The following TRAPPC9 variants were observed in gnomAD, a reference collection of about 807,000 sequenced individuals.
TRAPPC9 encodes the protein IKK2 binding protein.
Under a neutral mutation model 124.0 loss-of-function variants are expected in TRAPPC9, and 83 were observed. The observed-to-expected ratio is 0.67, with a 90% CI of 0.56 to 0.80. The LOEUF is 0.80. Ranked by LOEUF, TRAPPC9 falls within the 30% of genes least tolerant of loss-of-function variation. The pLI, the probability that TRAPPC9 is intolerant of heterozygous loss-of-function variation, is 0.00. For synonymous variants in TRAPPC9, 638 were observed against 617.5 expected, an observed-to-expected ratio of 1.03 and a Z score of -0.49; for missense variants, 1,302 against 1,508.3, an observed-to-expected ratio of 0.86 and a Z score of 2.27.
intron 21 of TRAPPC9, among the ~76,000 whole-genome samples, chr8:139,767,884 TA>T (rs2130416476): frequency 6.6e-6 from 1 of 152,356 alleles, no homozygotes; most frequent in Admixed American, 6.5e-5. Context: ...GATATTTTCA[TA>T]CATGGCTGAT....
chr8:140,107,695 G>A (rs2060691828), intron 17 of TRAPPC9, among the ~76,000 whole-genome samples: 1 of 152,200 alleles, frequency 6.6e-6, no homozygotes, highest in Non-Finnish European at 1.5e-5. Flanking sequence ...GCGAAGGCAT[G>A]GAAATCATTT....
chr8:139,786,532 C>T (rs976393259), intron 21 of TRAPPC9, among the ~76,000 whole-genome samples: 1 of 152,118 alleles, frequency 6.6e-6, no homozygotes, highest in Admixed American at 6.5e-5. Flanking sequence ...ACAACTACCA[C>T]CTGACCTAGC....
At chr8:139,919,232 C>G (rs185035881) in intron 19 of TRAPPC9, among the ~76,000 whole-genome samples, 12 of 152,166 alleles carry the variant, frequency 7.9e-5, no homozygotes, top group Admixed American at 7.2e-4. Context: ...GCTTTGTGAC[C>G]GGAGGCAAGT....
chr8:139,859,131 C>T (rs1827978953), intron 21 of TRAPPC9, among the ~76,000 whole-genome samples: 1 of 151,746 alleles, frequency 6.6e-6, no homozygotes, highest in Non-Finnish European at 1.5e-5. Context: ...ACTCCTCCAG[C>T]CCCCCGGTTT....
intron 17 of TRAPPC9, among the ~76,000 whole-genome samples, chr8:140,075,588 C>T (rs1359321007): frequency 6.6e-6 from 1 of 152,256 alleles, no homozygotes; most frequent in Non-Finnish European, 1.5e-5. Flanking sequence ...AGTGTCATCA[C>T]TGCCACCACC....
rs373907545 is a variant in TRAPPC9 at position 139,934,244 on chromosome 8, G to A, written c.2811-23944C>T. On this transcript the variant is annotated intron_variant, in intron 19 of 22. Transcript: ENST00000438773. ...CAATCAGAGAGAGACAGAGAGATTA[G>A]GCAAATGTGGCTGAATCCCTGACTT... 1.7e-4 allele frequency among the ~76,000 whole-genome samples: 26 copies of A among 152,044 alleles called. No homozygotes were observed. In the East Asian group the frequency reaches 2.5e-3, roughly 15 times the overall value.
chr8:140,348,854 G>T (rs866417194), intron 9 of TRAPPC9, among the ~76,000 whole-genome samples: 1 of 152,132 alleles, frequency 6.6e-6, no homozygotes. Flanking sequence ...AGAGACAAGC[G>T]GAGGCAGAAC....
chr8:139,819,272 A>T (rs1825085117), intron 21 of TRAPPC9, among the ~76,000 whole-genome samples: 1 of 152,230 alleles, frequency 6.6e-6, no homozygotes. Flanking sequence ...GTCTAGCTGC[A>T]GGAAAACAGG....
chr8:139,755,187 T>C (rs1403602441), intron 21 of TRAPPC9, among the ~76,000 whole-genome samples: 1 of 152,228 alleles, frequency 6.6e-6, no homozygotes, highest in Non-Finnish European at 1.5e-5. Context: ...CTCCAGGTCC[T>C]CGGATAACTT....
At chr8:139,855,173 TA>T (rs1285258728) in intron 21 of TRAPPC9, among the ~76,000 whole-genome samples, 1 of 152,178 alleles carries the variant, frequency 6.6e-6, no homozygotes, top group East Asian at 1.9e-4. Context: ...AAAAGACAAG[TA>T]AATAAAATAG....
intron 19 of TRAPPC9, among the ~76,000 whole-genome samples, chr8:139,948,828 A>T (rs1019433353): frequency 9.2e-5 from 14 of 152,316 alleles, no homozygotes; most frequent in African/African-American, 3.1e-4. Context: ...CTGTAACCTC[A>T]GCACTTTGAG....
chr8:140,091,844 G>A (rs1844585282), intron 17 of TRAPPC9, among the ~76,000 whole-genome samples: 1 of 152,028 alleles, frequency 6.6e-6, no homozygotes, highest in African/African-American at 2.4e-5. Flanking sequence ...CTCAACTGTC[G>A]GTGACTCCCT....
At chr8:140,124,242 G>C (rs1321671607) in intron 17 of TRAPPC9, among the ~76,000 whole-genome samples, 4 of 152,146 alleles carry the variant, frequency 2.6e-5, no homozygotes, top group Non-Finnish European at 5.9e-5. Context: ...TGCGTTCCTG[G>C]GGTAGGGTGC....
At chr8:140,435,467 G>A (rs1486466028) in intron 3 of TRAPPC9, among the ~76,000 whole-genome samples, 5 of 152,178 alleles carry the variant, frequency 3.3e-5, no homozygotes, top group Non-Finnish European at 5.9e-5. Context: ...CCATGCCCAT[G>A]TCCAGGCAGG....
At chr8:139,933,691 C>G (rs1378329514) in intron 19 of TRAPPC9, 2 of 152,274 alleles carry the variant, frequency 1.3e-5, no homozygotes, top group Non-Finnish European at 2.9e-5. Context: ...TTTGTCATCC[C>G]TGCCCTTGGC....
intron 15 of TRAPPC9, among the ~76,000 whole-genome samples, chr8:140,271,247 A>G (rs2064869010): frequency 1.3e-5 from 2 of 152,210 alleles, no homozygotes; most frequent in African/African-American, 2.4e-5. Context: ...TCCCAAAAGG[A>G]GGGTGGGTAG....
chr8:140,373,635 C>CCACCTGCTCACCAGCATATGAGGATAT (rs1330551026), intron 7 of TRAPPC9, among the ~76,000 whole-genome samples: 2 of 151,570 alleles, frequency 1.3e-5, no homozygotes, highest in African/African-American at 2.4e-5. Context: ...CCCTGTTGCT[C>CCACCTGCTCACCAGCATATGAGGATAT]CACCTGCTCA....
intron 18 of TRAPPC9, among the ~76,000 whole-genome samples, chr8:140,007,694 T>C (rs1440546726): frequency 1.3e-5 from 2 of 152,222 alleles, no homozygotes; most frequent in African/African-American, 4.8e-5. Context: ...TTTTAATTGA[T>C]GTTTATAAAT....
At chr8:140,048,492 G>T (rs563374900) in intron 17 of TRAPPC9, among the ~76,000 whole-genome samples, 1 of 152,240 alleles carries the variant, frequency 6.6e-6, no homozygotes, top group African/African-American at 2.4e-5. Flanking sequence ...ATGAGAGCGA[G>T]TTTAGGCTCA....
Sources: allele counts gnomAD v4.1 joint callset (sites outside exome capture counted in the v4.1 genomes callset), GRCh38; gene constraint gnomAD v4.1.1; transcripts MANE v1.5; gene names NCBI Gene and HGNC (gene_info 2026-07-23, HGNC 2026-07-21).